KIAA1217: variants seen among roughly 807,000 people sequenced by gnomAD.
KIAA1217 encodes KIAA1217.
In KIAA1217, 88 loss-of-function variants were observed where a neutral mutation model predicts 163.9. The ratio of observed to expected loss-of-function variants is 0.54; its 90% CI spans 0.45 to 0.64. The LOEUF (loss-of-function observed/expected upper bound fraction) is 0.64. KIAA1217 is among the 30% of genes least tolerant of loss of function. The pLI, the probability that KIAA1217 is intolerant of heterozygous loss-of-function variation, is 0.00. For synonymous variants in KIAA1217, 903 were observed against 923.1 expected (o/e 0.98, Z 0.39); for missense variants, 2,372 against 2,475.0 (o/e 0.96, Z 0.88).
intron 2 of KIAA1217, among the ~76,000 whole-genome samples, chr10:24,188,412 G>A (rs911184345): frequency 2.7e-4 from 41 of 151,916 alleles, no homozygotes; most frequent in African/African-American, 9.5e-4. Context: ...CTCAGGGGTA[G>A]AGGATCACAG....
intron 1 of KIAA1217, among the ~76,000 whole-genome samples, chr10:23,876,616 A>G (rs531178399): frequency 6.7e-4 from 102 of 152,106 alleles, no homozygotes; most frequent in Middle Eastern, 3.4e-3. Flanking sequence ...TCTTCCAGAA[A>G]CATGGGCCAT....
In KIAA1217 at chr10:23,759,762, A is replaced by G. The variant is rs190671646; in HGVS notation, c.-321+64528A>G. 4.6e-4 allele frequency among the ~76,000 whole-genome samples: 70 copies of G among 152,350 alleles called. No individual in the cohort carries two copies. In the East Asian group the frequency reaches 0.012, roughly 26 times the overall value. ...TTCATAACACTTCTGTTTTCTGACTATCAGACTTTGAACAAAGTGCTTAAC... is the reference window on the plus strand; with the variant it reads ...TTCATAACACTTCTGTTTTCTGACTGTCAGACTTTGAACAAAGTGCTTAAC... On this transcript the variant is annotated intron_variant, in intron 1 of 18. Coordinates refer to the KIAA1217 transcript ENST00000376462.
intron 1 of KIAA1217, among the ~76,000 whole-genome samples, chr10:23,699,345 A>G (rs931988271): frequency 6.6e-6 from 1 of 152,232 alleles, no homozygotes; most frequent in Non-Finnish European, 1.5e-5. Context: ...AGGGACTGCG[A>G]AGACCATCTG....
Position 24,219,699 on chromosome 10 carries a change from T to A in KIAA1217, c.144T>A (p.Ser48=), listed in dbSNP as rs2069321539. ...GCCGCAGAACCAAGGAACGCCTTTC[T>A]AATGGAAACAGTCGTGGTTCAGTTT... The part of the protein sequence containing the change: ...AECRRTKERL[S]NGNSRGSVSK... The change falls in exon 2 of 21, where the codon TCT becomes TCA. Residue 48 remains serine (S), a synonymous_variant. Coordinates refer to ENST00000376454, the MANE Select transcript of KIAA1217 (RefSeq NM_019590.5). 31 of 1,613,840 alleles carry A rather than the reference T, an allele frequency of 1.9e-5. No homozygotes were observed. The highest frequency in any genetic ancestry group is 2.5e-5 in the Non-Finnish European group (29 of 1,179,904).
chr10:23,791,417 G>T (rs978899569), intron 1 of KIAA1217, among the ~76,000 whole-genome samples: 1 of 152,062 alleles, frequency 6.6e-6, no homozygotes, highest in African/African-American at 2.4e-5. Flanking sequence ...AAGAAAGCCA[G>T]ACATTACATT....
At position 24,136,002 on chromosome 10, in the gene KIAA1217, A is replaced by G. The variant is rs116259778; in HGVS notation, c.-170-83624A>G. 5.6e-3 allele frequency among the ~76,000 whole-genome samples: 852 copies of G among 152,292 alleles called. 6 individuals carry two copies. Among genetic ancestry groups the G allele is most frequent in the African/African-American group, 0.02 (817 of 41,560 alleles). ...TAGCTACATACCTAGTTTGGAGACA[A>G]TTTTAACATTTGACATTCTAATTAC... On this transcript the variant is annotated intron_variant, in intron 2 of 18. Coordinates refer to the KIAA1217 transcript ENST00000376462.
At chr10:24,038,397 G>T (rs1219035372) in intron 2 of KIAA1217, among the ~76,000 whole-genome samples, 1 of 152,184 alleles carries the variant, frequency 6.6e-6, no homozygotes, top group African/African-American at 2.4e-5. Context: ...AGTGACAGGG[G>T]ATACATTTAC....
chr10:24,422,676 A>G (rs2058828214), intron 3 of KIAA1217, among the ~76,000 whole-genome samples: 1 of 152,220 alleles, frequency 6.6e-6, no homozygotes, highest in Non-Finnish European at 1.5e-5. Flanking sequence ...TCTTTCAGCC[A>G]TTGTTTAGAG....
intron 1 of KIAA1217, among the ~76,000 whole-genome samples, chr10:23,991,286 A>G (rs1168353005): frequency 6.6e-6 from 1 of 152,136 alleles, no homozygotes; most frequent in Non-Finnish European, 1.5e-5. Flanking sequence ...TTGTGCTGAG[A>G]CACCATTTTC....
chr10:24,148,345 A>T (rs1291375484), intron 2 of KIAA1217, among the ~76,000 whole-genome samples: 1 of 152,190 alleles, frequency 6.6e-6, no homozygotes, highest in Admixed American at 6.5e-5. Context: ...AGCTAAAAAA[A>T]AACCTAAAGT....
chr10:24,159,739 C>T (rs896877367), intron 2 of KIAA1217, among the ~76,000 whole-genome samples: 4 of 152,100 alleles, frequency 2.6e-5, no homozygotes, highest in Admixed American at 2.0e-4. Flanking sequence ...GCTGAGATCA[C>T]GCCACTGCGC....
intron 2 of KIAA1217, among the ~76,000 whole-genome samples, chr10:24,019,274 T>C (rs2131509252): frequency 6.6e-6 from 1 of 152,172 alleles, no homozygotes; most frequent in Admixed American, 6.6e-5. Flanking sequence ...TTCTGCTATG[T>C]ATACATATAT....
chr10:23,696,244 C>T (rs1167387374), intron 1 of KIAA1217, among the ~76,000 whole-genome samples: 1 of 152,232 alleles, frequency 6.6e-6, no homozygotes, highest in Admixed American at 6.5e-5. Context: ...GGTCAGAGCC[C>T]TGCAGAGGGC....
chr10:24,019,812 C>T (rs185212995), intron 2 of KIAA1217, among the ~76,000 whole-genome samples: 72 of 151,712 alleles, frequency 4.7e-4, no homozygotes, highest in Non-Finnish European at 1.2e-4. Context: ...ATGGATTATA[C>T]CTCAATCAAG....
At chr10:24,151,626 C>G (rs549398599) in intron 2 of KIAA1217, among the ~76,000 whole-genome samples, 8 of 151,572 alleles carry the variant, frequency 5.3e-5, no homozygotes, top group Admixed American at 5.3e-4. Context: ...AGAGAATGCT[C>G]TCTTAGCTCA....
chr10:24,070,279 C>T (rs1448059466), intron 2 of KIAA1217, among the ~76,000 whole-genome samples: 1 of 147,724 alleles, frequency 6.8e-6, no homozygotes, highest in East Asian at 1.9e-4. Flanking sequence ...GAGACTATAT[C>T]AGAATTGATA....
chr10:24,211,362 T>C (rs1265023521), intron 1 of KIAA1217, among the ~76,000 whole-genome samples: 3 of 108,478 alleles, frequency 2.8e-5, no homozygotes, highest in South Asian at 3.0e-4. Flanking sequence ...GTGGGACTAC[T>C]TTTTTTTTTT....
At chr10:23,918,733 T>TATATACACACACACACACACACACAC (rs769797460) in intron 1 of KIAA1217, among the ~76,000 whole-genome samples, 2 of 147,478 alleles carry the variant, frequency 1.4e-5, no homozygotes, top group African/African-American at 5.0e-5. Context: ...ATTAAATATA[T>TATATACACACACACACACACACACAC]ACACACACAC....
At chr10:24,484,241 A>ATATATATATATTTT (rs1376083298) in intron 6 of KIAA1217, among the ~76,000 whole-genome samples, 1 of 75,144 alleles carries the variant, frequency 1.3e-5, no homozygotes, top group Non-Finnish European at 2.5e-5. Flanking sequence ...ATATATATAT[A>ATATATATATATTTT]TTTTTTTTTT....
Sources: gnomAD v4.1 joint callset for allele counts (sites outside exome capture counted in the v4.1 genomes callset) on GRCh38, gnomAD v4.1.1 for gene constraint, MANE v1.5 for transcripts, NCBI Gene and HGNC (gene_info 2026-07-23, HGNC 2026-07-21) for gene names.